LARP4: variants seen among roughly 807,000 people sequenced by gnomAD.
The protein encoded by LARP4 is la-related protein 4.
In LARP4, 29 loss-of-function variants were observed where a neutral mutation model predicts 92.9. That is an observed-to-expected ratio of 0.31 (90% CI 0.23 to 0.43). LARP4 has a LOEUF of 0.43. LARP4 is among the 20% of genes least tolerant of loss of function. The pLI is 1.00. For missense variants in LARP4, 732 were observed against 860.0 expected, an observed-to-expected ratio of 0.85 and a Z score of 1.86; for synonymous variants, 279 against 284.1, an observed-to-expected ratio of 0.98 and a Z score of 0.18.
chr12:50,459,430 G>C (rs1439384398), intron 10 of LARP4, among the ~76,000 whole-genome samples: 1 of 152,144 alleles, frequency 6.6e-6, no homozygotes, highest in Admixed American at 6.5e-5. Context: ...TTGTATGTCT[G>C]TATGTATGTA....
intron 8 of LARP4, among the ~76,000 whole-genome samples, chr12:50,444,213 TTAAAA>T (rs1324338265): frequency 1.3e-5 from 2 of 150,680 alleles, no homozygotes; most frequent in African/African-American, 4.8e-5. Flanking sequence ...TTTTACTACT[TTAAAA>T]TAATTTTGGT....
chr12:50,434,772 C>G (rs1000841962), intron 4 of LARP4, among the ~76,000 whole-genome samples: 1 of 151,848 alleles, frequency 6.6e-6, no homozygotes, highest in Admixed American at 6.6e-5. Context: ...GGACAGGGTG[C>G]GCTGGCTCAC....
At chr12:50,414,657 AT>A (rs1946463578) in intron 1 of LARP4, among the ~76,000 whole-genome samples, 1 of 152,218 alleles carries the variant, frequency 6.6e-6, no homozygotes, top group African/African-American at 2.4e-5. Flanking sequence ...AAATGATAAT[AT>A]AAAGTGCTTA....
intron 8 of LARP4, among the ~76,000 whole-genome samples, chr12:50,444,050 G>C: frequency 6.6e-6 from 1 of 152,132 alleles, no homozygotes; most frequent in African/African-American, 2.4e-5. Context: ...TAGAATATTT[G>C]TCTAGTTCCA....
chr12:50,462,541 C>A, intron 11 of LARP4, 41 bp from the exon 12 acceptor site: 1 of 811,554 alleles, frequency 1.2e-6, no homozygotes, highest in South Asian at 1.4e-5. Context: ...TATGACTTGT[C>A]CCTCCACCCC....
intron 3 of LARP4, 82 bp from the exon 4 acceptor site, chr12:50,430,413 T>G: frequency 1.4e-6 from 1 of 704,978 alleles, no homozygotes; most frequent in Non-Finnish European, 2.5e-6. Flanking sequence ...ACTTTGTGGC[T>G]TCTGAGTACA....
Position 50,469,835 on chromosome 12 carries a change from G to A in LARP4, c.1545+2715G>A, listed in dbSNP as rs372905023. On this transcript the variant is annotated intron_variant, in intron 13 of 15. Coordinates refer to ENST00000398473, the MANE Select transcript of LARP4 (RefSeq NM_052879.5). Reference sequence around the variant, plus strand: ...GAGGCAGAAGAATCGCTTGAACCCGGGAGGTGGAAGTTGCAGTGAGCCGAG... The same window carrying A: ...GAGGCAGAAGAATCGCTTGAACCCGAGAGGTGGAAGTTGCAGTGAGCCGAG... Among the ~76,000 whole-genome samples, 5 of 151,906 alleles carry A rather than the reference G, an allele frequency of 3.3e-5. No homozygotes were observed. In the South Asian group the frequency reaches 1.0e-3, roughly 32 times the overall value.
chr12:50,457,935 C>CTTT (rs58926495), intron 10 of LARP4, among the ~76,000 whole-genome samples: 2 of 140,106 alleles, frequency 1.4e-5, no homozygotes, highest in African/African-American at 5.2e-5. Flanking sequence ...CTCAACCCAA[C>CTTT]TTTTTTTTTT....
At chr12:50,421,499 G>T (rs541443861) in intron 1 of LARP4, among the ~76,000 whole-genome samples, 2 of 151,864 alleles carry the variant, frequency 1.3e-5, no homozygotes, top group Non-Finnish European at 2.9e-5. Flanking sequence ...AAAATTAGCC[G>T]GGCATGGTGG....
chr12:50,430,445 C>T (rs1269161900), intron 3 of LARP4, 50 bp from the exon 4 acceptor site: 2 of 969,548 alleles, frequency 2.1e-6, no homozygotes, highest in Admixed American at 3.9e-5. Context: ...GATTTATCAC[C>T]TCTACTAACA....
chr12:50,461,001 A>G, intron 10 of LARP4, 134 bp from the exon 11 acceptor site: 1 of 703,544 alleles, frequency 1.4e-6, no homozygotes, highest in South Asian at 1.6e-5. Context: ...CAACACTTTT[A>G]CAACATTATT....
chr12:50,458,227 C>T (rs1225106387), intron 10 of LARP4, among the ~76,000 whole-genome samples: 1 of 152,044 alleles, frequency 6.6e-6, no homozygotes, highest in African/African-American at 2.4e-5. Context: ...ATATGAGCCA[C>T]TGAGCCCACT....
chr12:50,427,991 C>CTATT, intron 2 of LARP4, 82 bp downstream of exon 2: 1 of 413,450 alleles, frequency 2.4e-6, no homozygotes, highest in Non-Finnish European at 3.5e-6. Flanking sequence ...TGAGACACAT[C>CTATT]TCTTTTTTTT....
chr12:50,454,362 T>C lies in LARP4; in HGVS notation c.1066T>C (p.Ser356Pro). 1 of 1,613,710 alleles carries C rather than the reference T, an allele frequency of 6.2e-7. No homozygotes were observed. Among genetic ancestry groups the C allele is most frequent in the Non-Finnish European group, 8.5e-7 (1 of 1,179,906 alleles). The change falls in exon 10 of 16, where the codon TCT becomes CCT. Residue 356 changes from serine to proline, a missense_variant. This residue lies in a region of LARP4 where 264 missense variants were observed against 269.5 expected (regional missense o/e 0.98). Transcript: ENST00000398473. The stretch of plus-strand genomic sequence containing the variant: ...TGTGAATGGCTTTAATTCGCCAGGA[T>C]CTTATAAAACAAATGCTGCTGCTAT... ...SFVNGFNSPG[S>P]YKTNAAAMNM...
intron 13 of LARP4, among the ~76,000 whole-genome samples, chr12:50,469,597 C>G (rs768533745): frequency 3.1e-5 from 2 of 63,668 alleles, no homozygotes; most frequent in Non-Finnish European, 6.6e-5. Context: ...GAGCGAGACT[C>G]TATCAAAAAA....
intron 1 of LARP4, among the ~76,000 whole-genome samples, chr12:50,410,235 ATGTT>A (rs1213742524): frequency 6.6e-6 from 1 of 152,088 alleles, no homozygotes; most frequent in African/African-American, 2.4e-5. Flanking sequence ...TAAATACTAA[ATGTT>A]AGATACCTTT....
intron 4 of LARP4, among the ~76,000 whole-genome samples, chr12:50,433,015 C>T (rs1434343832): frequency 1.3e-5 from 2 of 152,042 alleles, no homozygotes; most frequent in Non-Finnish European, 2.9e-5. Context: ...CCTTAAAACT[C>T]AGGAAACATC....
rs116211061 is a variant in LARP4 at position 50,476,091 on chromosome 12, T to C, written c.*227T>C. 2,923 of 213,888 alleles carry C rather than the reference T, an allele frequency of 0.014. 83 individuals are homozygous for C. Among genetic ancestry groups the C allele is most frequent in the African/African-American group, 0.056 (2,412 of 43,352 alleles). The allele number at this position is 213,888 out of a possible 1,614,324, so 13.2% of individuals were successfully genotyped here. On this transcript the variant is annotated 3_prime_UTR_variant, in exon 16 of 16. Coordinates refer to ENST00000398473, the MANE Select transcript of LARP4 (RefSeq NM_052879.5). ...ATCAATATAAATATATATATATATA[T>C]ACACACACATATATAAAAAGTATAA... is the stretch of plus-strand genomic sequence containing the variant.
chr12:50,435,943 A>G (rs1950340144), intron 5 of LARP4, among the ~76,000 whole-genome samples: 1 of 151,244 alleles, frequency 6.6e-6, no homozygotes, highest in South Asian at 2.1e-4. Context: ...ACATCTGGCT[A>G]ATCTTTAAAT....
Sources: gnomAD v4.1 joint callset for allele counts (sites outside exome capture counted in the v4.1 genomes callset) on GRCh38, gnomAD v4.1.1 for gene constraint, gnomAD v4.1.1 regional missense constraint, MANE v1.5 for transcripts, NCBI Gene and HGNC (gene_info 2026-07-23, HGNC 2026-07-21) for gene names.